Variants in HDAC4 observed in about 807,000 individuals in gnomAD.
HDAC4 encodes the protein histone deacetylase 4.
In HDAC4, 16 loss-of-function variants were observed where a neutral mutation model predicts 135.1. The ratio of observed to expected loss-of-function variants is 0.12; its 90% confidence interval spans 0.08 to 0.18. The LOEUF (loss-of-function observed/expected upper bound fraction) is 0.18, where lower values mean the gene tolerates loss of function less well. Ranked by LOEUF, HDAC4 falls within the 10% of genes least tolerant of loss-of-function variation. The pLI is 1.00. For synonymous variants in HDAC4, 685 were observed against 653.4 expected (o/e 1.05, Z -0.74); for missense variants, 1,143 against 1,511.8 (o/e 0.76, Z 4.05).
chr2:239,103,321 C>G (rs1022219040), intron 15 of HDAC4, among the ~76,000 whole-genome samples: 1 of 152,292 alleles, frequency 6.6e-6, no homozygotes, highest in South Asian at 2.1e-4. Flanking sequence ...ATGAAGCAGC[C>G]TTCCTTGGAC....
At chr2:239,111,141 C>T (rs1448095205) in intron 14 of HDAC4, among the ~76,000 whole-genome samples, 4 of 152,228 alleles carry the variant, frequency 2.6e-5, no homozygotes, top group South Asian at 2.1e-4. Context: ...TCAGCGTCAA[C>T]GCTGTGGACG....
intron 24 of HDAC4, among the ~76,000 whole-genome samples, chr2:239,065,935 G>A (rs2033413116): frequency 1.3e-5 from 2 of 152,208 alleles, no homozygotes; most frequent in Admixed American, 1.3e-4. Flanking sequence ...GAGCAGGTGT[G>A]GGAAACTCAG....
At chr2:239,153,730 A>ATTC (rs2042253959) in intron 7 of HDAC4, among the ~76,000 whole-genome samples, 1 of 152,238 alleles carries the variant, frequency 6.6e-6, no homozygotes, top group Non-Finnish European at 1.5e-5. Context: ...CGTTCTCAAG[A>ATTC]AAGCAGGGAG....
intron 3 of HDAC4, among the ~76,000 whole-genome samples, chr2:239,203,394 T>G (rs559011100): frequency 2.6e-5 from 4 of 152,312 alleles, no homozygotes; most frequent in African/African-American, 9.6e-5. Context: ...ATTTAGAAAA[T>G]TCCATTTTTT....
intron 4 of HDAC4, 28 bp downstream of exon 4, chr2:239,189,805 C>T (rs752412251): frequency 1.3e-4 from 200 of 1,592,706 alleles, no homozygotes; most frequent in Non-Finnish European, 1.6e-4. Flanking sequence ...GAGGCCTGGC[C>T]CACCCGCAGC....
At chr2:239,071,710 C>G (rs2034213886) in intron 22 of HDAC4, among the ~76,000 whole-genome samples, 1 of 152,188 alleles carries the variant, frequency 6.6e-6, no homozygotes, top group Non-Finnish European at 1.5e-5. Context: ...TGTTATGACA[C>G]TCAGGACCCT....
chr2:239,070,924 GTTGT>G (rs761855717), intron 22 of HDAC4, among the ~76,000 whole-genome samples: 5 of 65,100 alleles, frequency 7.7e-5, no homozygotes, highest in African/African-American at 3.4e-4. Context: ...TGCAGTCTCT[GTTGT>G]TTTTTTTTTT....
chr2:239,123,833 T>TG, intron 12 of HDAC4, among the ~76,000 whole-genome samples: 1 of 152,278 alleles, frequency 6.6e-6, no homozygotes, highest in East Asian at 1.9e-4. Context: ...CCTCTGCTCT[T>TG]GCTGGGATCC....
rs1392444638 is a variant in HDAC4 at position 239,049,301 on chromosome 2, CATCTTTTGT to C, written c.*3787_*3795del. 2.0e-5 allele frequency: 3 copies of C among 152,480 alleles called. No homozygotes were observed. The highest frequency in any genetic ancestry group is 4.4e-5 in the Non-Finnish European group (3 of 68,012). 9.4% of individuals were successfully genotyped at this position (152,480 alleles called of 1,614,324 possible). A position where few individuals can be genotyped will look rare whatever the true frequency, so the allele number is the denominator to read the frequency against. On this transcript the variant is annotated 3_prime_UTR_variant, in exon 27 of 27. Transcript: ENST00000543185. ...AGGTTTTGTTTTACAGAAAAATTTCCATCTTTTGTATCTGCAAATGTCATGAGAGGGGAA... is the reference window on the plus strand; with the variant it reads ...AGGTTTTGTTTTACAGAAAAATTTCCATCTGCAAATGTCATGAGAGGGGAA...
At chr2:239,361,234 A>G (rs920920631) in intron 1 of HDAC4, among the ~76,000 whole-genome samples, 1 of 152,220 alleles carries the variant, frequency 6.6e-6, no homozygotes, top group Non-Finnish European at 1.5e-5. Flanking sequence ...TGTGAACTGA[A>G]TGAACGTTTT....
rs556738090 is a variant in HDAC4 at position 239,306,925 on chromosome 2, G to T, written c.22+45753C>A. On this transcript the variant is annotated intron_variant, in intron 2 of 26. Transcript: ENST00000543185. This position sits in a 1 kb window ranked among gnomAD's most constrained non-coding sequence, Gnocchi z 4.5. ...CAAGGAGGGCCTGAGCCTCCCGTGT[G>T]CACCTCCCCAAGGGCGCCTGCACCC... 1.3e-5 allele frequency among the ~76,000 whole-genome samples: 2 copies of T among 151,862 alleles called. No individual in the cohort carries two copies. The highest frequency in any genetic ancestry group is 2.9e-5 in the Non-Finnish European group (2 of 67,900).
At chr2:239,229,115 C>T (rs1286538140) in intron 3 of HDAC4, among the ~76,000 whole-genome samples, 1 of 152,102 alleles carries the variant, frequency 6.6e-6, no homozygotes, top group Non-Finnish European at 1.5e-5. Flanking sequence ...GCACTCCAGC[C>T]CTGCACTCCA....
rs1265595886 is a variant in HDAC4 at position 239,050,492 on chromosome 2, AGAGCAAAG to A, written c.*2597_*2604del. The A allele has an allele frequency of 6.6e-6, 1 of 152,538 alleles. No individual in the cohort carries two copies. The highest frequency in any genetic ancestry group is 6.5e-5 in the Admixed American group (1 of 15,288). The allele number at this position is 152,538 out of a possible 1,614,324, so 9.4% of individuals were successfully genotyped here. ...AGCTCCTCTTGCCAATCTGGGCTTCAGAGCAAAGAGTGGCCACCAGGGAGGGGAAAGTC... is the reference window on the plus strand; with the variant it reads ...AGCTCCTCTTGCCAATCTGGGCTTCAAGTGGCCACCAGGGAGGGGAAAGTC... On this transcript the variant is annotated 3_prime_UTR_variant, in exon 27 of 27. Transcript: ENST00000543185.
chr2:239,227,771 G>A (rs545992103), intron 3 of HDAC4, among the ~76,000 whole-genome samples: 1 of 152,252 alleles, frequency 6.6e-6, no homozygotes, highest in South Asian at 2.1e-4. Context: ...AAGCCAGAAG[G>A]GCCCTCTGAA....
chr2:239,283,897 A>G (rs1341935754), intron 2 of HDAC4, among the ~76,000 whole-genome samples: 1 of 152,224 alleles, frequency 6.6e-6, no homozygotes, highest in Non-Finnish European at 1.5e-5. Context: ...TGGAGGGGCC[A>G]TGTAGTGCCG....
chr2:239,350,544 G>A lies in HDAC4; in HGVS notation c.22+2134C>T, dbSNP rs554670070. Among the ~76,000 whole-genome samples, 284 of 151,462 alleles carry A rather than the reference G, an allele frequency of 1.9e-3. 4 individuals are homozygous for A. The highest frequency in any genetic ancestry group is 1.1e-3 in the Non-Finnish European group (73 of 67,912). On this transcript the variant is annotated intron_variant, in intron 2 of 26. Transcript: ENST00000543185. ...TTTTGAGACGGAGTCTTGCTCTGTCGCCAGGCTGAAGTACAGTGGCGCAAT... is the reference window on the plus strand; with the variant it reads ...TTTTGAGACGGAGTCTTGCTCTGTCACCAGGCTGAAGTACAGTGGCGCAAT...
intron 24 of HDAC4, among the ~76,000 whole-genome samples, chr2:239,065,721 G>A (rs1221041703): frequency 6.6e-6 from 1 of 152,202 alleles, no homozygotes; most frequent in African/African-American, 2.4e-5. Context: ...GCACTGCCCT[G>A]CCCTCCGCTT....
rs750520647 is a variant in HDAC4, at chr2:239,095,046, G to A, written c.2244C>T (p.Ala748=). 9 of 1,613,690 alleles carry A rather than the reference G, an allele frequency of 5.6e-6. No homozygotes were observed. Among genetic ancestry groups the A allele is most frequent in the Middle Eastern group, 1.6e-4 (1 of 6,084 alleles). The stretch of plus-strand genomic sequence containing the variant: ...CGCAAGGGAGCCGGACGAACACGGA[G>A]GCGAGCGAGCCTGTGGGGGGGAGGG... ...LDSKKLLGSL[A]SVFVRLPCGG... The change falls in exon 17 of 27, where the codon GCC becomes GCT. Residue 748 remains alanine, a synonymous_variant. Coordinates refer to ENST00000543185, the MANE Select transcript of HDAC4 (RefSeq NM_001378414.1).
intron 20 of HDAC4, 110 bp from the exon 21 acceptor site, chr2:239,082,331 A>T: frequency 7.1e-7 from 1 of 1,403,736 alleles, no homozygotes; most frequent in Non-Finnish European, 1.0e-6. Context: ...GCTCCTGCTC[A>T]GGAATGACAT....
Sources: gnomAD v4.1 joint callset for allele counts (sites outside exome capture counted in the v4.1 genomes callset) on GRCh38, gnomAD v4.1.1 for gene constraint, Gnocchi (gnomAD v3.1) non-coding constraint, MANE v1.5 for transcripts, NCBI Gene and HGNC (gene_info 2026-07-23, HGNC 2026-07-21) for gene names.